Variants in MTUS1 observed in about 807,000 individuals in gnomAD.
The protein encoded by MTUS1 is microtubule-associated tumor suppressor 1.
Under a neutral mutation model 120.8 loss-of-function variants are expected in MTUS1, and 109 were observed. The observed-to-expected ratio is 0.90, with a 90% CI of 0.77 to 1.06. The LOEUF (loss-of-function observed/expected upper bound fraction) is 1.06, where lower values mean the gene tolerates loss of function less well. Ranked by LOEUF, MTUS1 falls within the 50% of genes least tolerant of loss-of-function variation. MTUS1 has a pLI of 0.00. For missense variants in MTUS1, 2,210 were observed against 1,486.3 expected (o/e 1.49, Z -8.01); for synonymous variants, 737 against 550.5 (o/e 1.34, Z -4.74).
chr8:17,652,506 G>A (rs546541300), intron 12 of MTUS1, among the ~76,000 whole-genome samples: 4 of 151,982 alleles, frequency 2.6e-5, no homozygotes, highest in Non-Finnish European at 5.9e-5. Context: ...GGGGAATGGG[G>A]AGTGACTGCT....
chr8:17,785,909 C>A (rs1246002931), intron 1 of MTUS1, among the ~76,000 whole-genome samples: 1 of 152,128 alleles, frequency 6.6e-6, no homozygotes, highest in African/African-American at 2.4e-5. Context: ...CTTTGGGAGG[C>A]CAAAACAAGA....
chr8:17,740,944 C>A (rs2047274584), intron 3 of MTUS1, among the ~76,000 whole-genome samples: 1 of 152,234 alleles, frequency 6.6e-6, no homozygotes, highest in Admixed American at 6.5e-5. Flanking sequence ...CGGCTCACTG[C>A]AACCTCCGCC....
At chr8:17,695,573 G>T (rs966548585) in intron 6 of MTUS1, among the ~76,000 whole-genome samples, 2 of 152,154 alleles carry the variant, frequency 1.3e-5, no homozygotes, top group Non-Finnish European at 2.9e-5. Context: ...GCCTTGTGTC[G>T]TTTGCTTACG....
In MTUS1 at chr8:17,753,755, TCTCTTGTTTCAG is replaced by T; in HGVS notation, c.2041_2052del (p.Leu681_Glu684del). 2 of 1,611,168 alleles carry T rather than the reference TCTCTTGTTTCAG, an allele frequency of 1.2e-6. No homozygotes were observed. Among genetic ancestry groups the T allele is most frequent in the Non-Finnish European group, 1.7e-6 (2 of 1,179,304 alleles). On this transcript the variant is annotated inframe_deletion, in exon 2 of 15. Coordinates refer to ENST00000693296, the MANE Select transcript of MTUS1 (RefSeq NM_001363059.2). ...CCATATTCAAAAGTCTCATTCATAA[TCTCTTGTTTCAG>T]CTCTTGTTTTTCCATAGATGTCCCA...
intron 6 of MTUS1, among the ~76,000 whole-genome samples, chr8:17,711,588 T>C (rs546368322): frequency 6.6e-6 from 1 of 152,350 alleles, no homozygotes; most frequent in South Asian, 2.1e-4. Context: ...CCACTCAGAC[T>C]TTCTCTCTGC....
At chr8:17,656,939 G>C (rs552874852) in intron 8 of MTUS1, among the ~76,000 whole-genome samples, 1 of 150,418 alleles carries the variant, frequency 6.6e-6, no homozygotes, top group African/African-American at 2.4e-5. Context: ...GGCGCCTGTA[G>C]TCCCAGCTAC....
At chr8:17,671,449 G>A (rs1812002244) in intron 8 of MTUS1, among the ~76,000 whole-genome samples, 1 of 152,224 alleles carries the variant, frequency 6.6e-6, no homozygotes, top group East Asian at 1.9e-4. Flanking sequence ...CATCAACGTA[G>A]AGTATCAAAA....
chr8:17,722,263 G>C, intron 4 of MTUS1: 1 of 904,078 alleles, frequency 1.1e-6, no homozygotes, highest in Non-Finnish European at 1.3e-6. Flanking sequence ...TGGAAAACAC[G>C]GGGCTGTGGC....
chr8:17,773,178 G>A (rs150559711), intron 1 of MTUS1, among the ~76,000 whole-genome samples: 1 of 152,278 alleles, frequency 6.6e-6, no homozygotes, highest in Non-Finnish European at 1.5e-5. Context: ...TTAGGAATCA[G>A]AGCCCCAAGG....
chr8:17,728,431 G>C (rs1305709910), intron 3 of MTUS1, among the ~76,000 whole-genome samples: 2 of 152,120 alleles, frequency 1.3e-5, no homozygotes, highest in Non-Finnish European at 2.9e-5. Context: ...ATAAAAATCT[G>C]GACAATAGAT....
At chr8:17,658,013 CTATA>C (rs374097351) in intron 8 of MTUS1, among the ~76,000 whole-genome samples, 1 of 87,304 alleles carries the variant, frequency 1.1e-5, no homozygotes, top group Admixed American at 1.4e-4. Flanking sequence ...CATATATACA[CTATA>C]TATATAGACA....
chr8:17,712,087 A>G (rs2131007303), intron 6 of MTUS1, among the ~76,000 whole-genome samples: 1 of 152,320 alleles, frequency 6.6e-6, no homozygotes, highest in African/African-American at 2.4e-5. Flanking sequence ...TAGTGTGAGA[A>G]TTACCAAAAT....
At chr8:17,705,294 G>A (rs673842) in intron 6 of MTUS1, among the ~76,000 whole-genome samples, 24,925 of 152,118 alleles carry the variant, frequency 0.16, 2,263 homozygotes, top group East Asian at 0.3. Context: ...TGTTTCTAAG[G>A]TTTTTTAAAG....
intron 1 of MTUS1, among the ~76,000 whole-genome samples, chr8:17,793,830 A>C (rs2051998230): frequency 6.6e-6 from 1 of 152,230 alleles, no homozygotes; most frequent in Non-Finnish European, 1.5e-5. Flanking sequence ...CAGCAGGTGG[A>C]ATTTTTAATG....
chr8:17,798,175 T>C (rs1407113921), intron 1 of MTUS1, among the ~76,000 whole-genome samples: 2 of 152,318 alleles, frequency 1.3e-5, no homozygotes, highest in East Asian at 3.9e-4. Context: ...CTTAGGGATT[T>C]AAAACTTTCT....
chr8:17,717,503 T>G (rs1029128548), intron 4 of MTUS1, among the ~76,000 whole-genome samples: 2 of 152,354 alleles, frequency 1.3e-5, no homozygotes, highest in Admixed American at 6.5e-5. Flanking sequence ...TTAGTCTTAC[T>G]TTTCTTGAAG....
At chr8:17,685,619 T>C (rs770144077) in intron 6 of MTUS1, among the ~76,000 whole-genome samples, 6 of 152,218 alleles carry the variant, frequency 3.9e-5, no homozygotes, top group Admixed American at 6.5e-5. Context: ...ACTACAGTGA[T>C]TGCTTAAAGA....
intron 3 of MTUS1, among the ~76,000 whole-genome samples, chr8:17,736,802 C>T (rs955437286): frequency 2.6e-5 from 4 of 152,148 alleles, no homozygotes; most frequent in Non-Finnish European, 5.9e-5. Flanking sequence ...CCAGGCTGGT[C>T]TCGAACTTCT....
chr8:17,673,857 G>A (rs1812521721), intron 8 of MTUS1, among the ~76,000 whole-genome samples: 1 of 152,136 alleles, frequency 6.6e-6, no homozygotes, highest in Non-Finnish European at 1.5e-5. Context: ...TTGGCAGTGT[G>A]GTCTTGTCCA....
Sources: allele counts gnomAD v4.1 joint callset (sites outside exome capture counted in the v4.1 genomes callset), GRCh38; gene constraint gnomAD v4.1.1; transcripts MANE v1.5; gene names NCBI Gene and HGNC (gene_info 2026-07-23, HGNC 2026-07-21).